The following MCM3 variants were observed in gnomAD, a reference collection of about 807,000 sequenced individuals.
The protein encoded by MCM3 is DNA replication licensing factor MCM3.
MCM3 carries 59 observed loss-of-function variants against 91.3 expected under a neutral mutation model. That is an observed-to-expected ratio of 0.65 (90% CI 0.52 to 0.80). The LOEUF is 0.80. Ranked by LOEUF, MCM3 falls within the 30% of genes least tolerant of loss-of-function variation. The pLI, the probability that MCM3 is intolerant of heterozygous loss-of-function variation, is 0.00. For missense variants in MCM3, 919 were observed against 1,035.4 expected (o/e 0.89, Z 1.54); for synonymous variants, 383 against 379.6 (o/e 1.01, Z -0.10).
At chr6:52,278,070 C>CAAAAAAAAAAAAAAA (rs61625257) in intron 6 of MCM3, among the ~76,000 whole-genome samples, 3 of 38,962 alleles carry the variant, frequency 7.7e-5, no homozygotes, top group South Asian at 1.8e-3. Flanking sequence ...TCCGTCTCAC[C>CAAAAAAAAAAAAAAA]AAAAAAAAAA....
In MCM3 at chr6:52,266,123, T is replaced by C. The variant is rs769906611; in HGVS notation, c.2180A>G (p.Asp727Gly). 3 of 1,614,074 alleles carry C rather than the reference T, an allele frequency of 1.9e-6. No individual in the cohort carries two copies. The highest frequency in any genetic ancestry group is 2.5e-6 in the Non-Finnish European group (3 of 1,179,948). ...CTGGGATTCCTTGGTCTCCTGTGAG[T>C]CTGCCGTCTTTGGAGTGTGTACTTC... Reference protein sequence around the residue: ...MPQVHTPKTADSQETKESQKV... With the variant: ...MPQVHTPKTAGSQETKESQKV... The change falls in exon 16 of 17, where the codon GAC becomes GGC. Residue 727 changes from aspartate to glycine, a missense_variant. By Grantham distance (94) the Asp-to-Gly change is moderately conservative. Around this residue, in one of 3 missense-constraint regions of MCM3, gnomAD observed 285 missense variants for 311.4 expected, o/e 0.92. Transcript: ENST00000596288.
At chr6:52,279,787 C>T (rs1485501012) in intron 4 of MCM3, among the ~76,000 whole-genome samples, 188 bp from the exon 5 acceptor site, 1 of 152,172 alleles carries the variant, frequency 6.6e-6, no homozygotes, top group Non-Finnish European at 1.5e-5. Flanking sequence ...GAAGGGGCAA[C>T]CCATAGTCTG....
chr6:52,284,575 C>T, intron 1 of MCM3, 22 bp downstream of exon 1: 1 of 1,589,256 alleles, frequency 6.3e-7, no homozygotes, highest in Admixed American at 1.8e-5. Context: ...CGCTAGAGCC[C>T]GCGCGCCGGC....
rs1190713098 is a variant in MCM3 at position 52,269,071 on chromosome 6, C to A, written c.1968+15G>T. 6.2e-7 allele frequency: 1 copy of A among 1,605,244 alleles called. No homozygotes were observed. Among genetic ancestry groups the A allele is most frequent in the African/African-American group, 1.3e-5 (1 of 74,790 alleles). The stretch of plus-strand genomic sequence containing the variant: ...TCCAGGAGATCCTCTCATGCCCAGG[C>A]ATCTGAATCCTCACCTTCTTAAAGT... On this transcript the variant is annotated intron_variant, in intron 13 of 16. Coordinates refer to ENST00000596288, the MANE Select transcript of MCM3 (RefSeq NM_002388.6).
rs150087575 is a variant in MCM3 at position 52,264,757 on chromosome 6, T to A, written c.2258A>T (p.Asp753Val). 4.5e-4 allele frequency: 726 copies of A among 1,613,844 alleles called. 6 individuals carry two copies. In the South Asian group the frequency reaches 7.5e-3, roughly 17 times the overall value. The change falls in exon 17 of 17, where the codon GAT becomes GTT. Residue 753 changes from aspartate to valine, a missense_variant. Physicochemically the swap from Asp to Val is radical, Grantham distance 152 (BLOSUM62 -3). Around this residue, in one of 3 missense-constraint regions of MCM3, gnomAD observed 285 missense variants for 311.4 expected, o/e 0.92. Transcript: ENST00000596288. The stretch of plus-strand genomic sequence containing the variant: ...CTGCGCATGAGCTTCCCGGAACACA[T>A]CCAAGAGGGCCACCTTGAATGCCTT... ...RLKAFKVALL[D>V]VFREAHAQSI...
At position 52,266,088 on chromosome 6, in the gene MCM3, A is replaced by C; in HGVS notation, c.2215T>G (p.Leu739Val). 3 of 1,613,752 alleles carry C rather than the reference A, an allele frequency of 1.9e-6. No individual in the cohort carries two copies. The highest frequency in any genetic ancestry group is 2.5e-6 in the Non-Finnish European group (3 of 1,179,878). ...ATCCGTACTCACCTGGATTCACTCA[A>C]CTCCACTTTCTGGGATTCCTTGGTC... is the stretch of plus-strand genomic sequence containing the variant. ...QETKESQKVE[L>V]SESRLKAFKV... The change falls in exon 16 of 17, where the codon TTG becomes GTG. Residue 739 changes from leucine to valine, a missense_variant. Coordinates refer to ENST00000596288, the MANE Select transcript of MCM3 (RefSeq NM_002388.6).
intron 10 of MCM3, 51 bp from the exon 11 acceptor site, chr6:52,273,407 G>C: frequency 6.3e-7 from 1 of 1,594,820 alleles, no homozygotes; most frequent in Non-Finnish European, 8.6e-7. Context: ...TTTAACCCAG[G>C]GGAAATTGCT....
intron 10 of MCM3, 40 bp from the exon 11 acceptor site, chr6:52,273,396 G>T: frequency 6.2e-7 from 1 of 1,606,768 alleles, no homozygotes; most frequent in Non-Finnish European, 8.5e-7. Flanking sequence ...GTAATAAAGA[G>T]TTTAACCCAG....
At chr6:52,268,702 C>T (rs1459780383) in intron 13 of MCM3, among the ~76,000 whole-genome samples, 1 of 152,052 alleles carries the variant, frequency 6.6e-6, no homozygotes, top group Non-Finnish European at 1.5e-5. Context: ...TTTGAAGAGA[C>T]TACCAAGAGG....
At chr6:52,280,016 C>T (rs964854570) in intron 4 of MCM3, among the ~76,000 whole-genome samples, 8 of 152,230 alleles carry the variant, frequency 5.3e-5, no homozygotes, top group East Asian at 1.9e-4. Context: ...TGGTTAAACA[C>T]GGTATATTCA....
intron 4 of MCM3, 24 bp downstream of exon 4, chr6:52,282,021 G>C: frequency 6.2e-7 from 1 of 1,612,446 alleles, no homozygotes; most frequent in South Asian, 1.1e-5. Context: ...CTCCAAGACA[G>C]CTCAACTGAT....
At chr6:52,284,544 C>G (rs1373917820) in intron 1 of MCM3, 53 bp downstream of exon 1, 3 of 1,525,270 alleles carry the variant, frequency 2.0e-6, no homozygotes, top group Middle Eastern at 2.1e-4. Flanking sequence ...CCGGCCGGGC[C>G]GCGTCCGCAG....
chr6:52,272,328 C>A lies in MCM3; in HGVS notation c.1800G>T (p.Gln600His), dbSNP rs200320642. 173 of 1,614,216 alleles carry A rather than the reference C, an allele frequency of 1.1e-4. 2 individuals carry two copies. In the East Asian group the frequency reaches 2.6e-3, roughly 24 times the overall value. ...IAEEYSRLRSQDSMSSDTART... is the reference protein window; with the variant it reads ...IAEEYSRLRSHDSMSSDTART... ...TGGCGGTGTCTGAGCTCATGCTATC[C>A]TGGCTGCGCAGGCGTGAATACTCTT... The change falls in exon 12 of 17, where the codon CAG becomes CAT. Residue 600 changes from glutamine to histidine, a missense_variant. By Grantham distance (24) the Gln-to-His change is conservative. Around this residue, in one of 3 missense-constraint regions of MCM3, gnomAD observed 285 missense variants for 311.4 expected, o/e 0.92. Coordinates refer to ENST00000596288, the MANE Select transcript of MCM3 (RefSeq NM_002388.6).
At chr6:52,284,529 G>C (rs1299690360) in intron 1 of MCM3, 68 bp downstream of exon 1, 1 of 1,465,748 alleles carries the variant, frequency 6.8e-7, no homozygotes, top group African/African-American at 1.4e-5. Flanking sequence ...CGGGCCTCTG[G>C]CTTCCCGGCC....
At chr6:52,266,256 A>G (rs1764635312) in intron 15 of MCM3, 112 bp from the exon 16 acceptor site, 1 of 818,466 alleles carries the variant, frequency 1.2e-6, no homozygotes, top group Non-Finnish European at 2.1e-6. Flanking sequence ...CCTGCTGAAC[A>G]CTCCTATTTC....
At chr6:52,277,033 G>T in intron 8 of MCM3, 34 bp downstream of exon 8, 1 of 1,600,738 alleles carries the variant, frequency 6.2e-7, no homozygotes. Context: ...CAGGCTCTCT[G>T]CTGGGCCTTT....
In MCM3 at chr6:52,264,740, G is replaced by C; in HGVS notation, c.2275C>G (p.His759Asp). Residue 759 changes from histidine to aspartate, a missense_variant, in exon 17 of 17, where the codon CAT becomes GAT. By Grantham distance (81) the His-to-Asp change is moderately conservative. Coordinates refer to ENST00000596288, the MANE Select transcript of MCM3 (RefSeq NM_002388.6). ...CGATTCATGCCGATTGACTGCGCATGAGCTTCCCGGAACACATCCAAGAGG... is the reference window on the plus strand; with the variant it reads ...CGATTCATGCCGATTGACTGCGCATCAGCTTCCCGGAACACATCCAAGAGG... ...VALLDVFREAHAQSIGMNRLT... is the reference protein window; with the variant it reads ...VALLDVFREADAQSIGMNRLT... The C allele has an allele frequency of 6.2e-7, 1 of 1,614,152 alleles. No homozygotes were observed. The highest frequency in any genetic ancestry group is 1.1e-5 in the South Asian group (1 of 91,074).
chr6:52,274,202 C>T (rs1199524642), intron 9 of MCM3, among the ~76,000 whole-genome samples: 2 of 152,156 alleles, frequency 1.3e-5, no homozygotes, highest in African/African-American at 4.8e-5. Context: ...CTTCCCAAAC[C>T]TTATTCTGCT....
Position 52,273,351 on chromosome 6 carries a change from G to A in MCM3, c.1555C>T (p.Pro519Ser), listed in dbSNP as rs762624035. The A allele has an allele frequency of 6.8e-6, 11 of 1,614,142 alleles. No homozygotes were observed. The highest frequency in any genetic ancestry group is 9.3e-6 in the Non-Finnish European group (11 of 1,180,022). ...APGEQDGDAM[P>S]LGSAVDILAT... The stretch of plus-strand genomic sequence containing the variant: ...AGGATATCCACAGCACTACCCAAGG[G>A]CATAGCTGGTATACCCAAGTTAGGA... The change falls in exon 11 of 17, where the codon CCC becomes TCC. Residue 519 changes from proline to serine, a missense_variant. By Grantham distance (74) the Pro-to-Ser change is moderately conservative. This residue lies in a region of MCM3 where 233 missense variants were observed against 321.2 expected (regional missense o/e 0.73). Coordinates refer to ENST00000596288, the MANE Select transcript of MCM3 (RefSeq NM_002388.6).
Sources: gnomAD v4.1 joint callset for allele counts (sites outside exome capture counted in the v4.1 genomes callset) on GRCh38, gnomAD v4.1.1 for gene constraint, gnomAD v4.1.1 regional missense constraint, MANE v1.5 for transcripts, NCBI Gene and HGNC (gene_info 2026-07-23, HGNC 2026-07-21) for gene names.